Variants in KHDRBS2 observed in about 807,000 individuals in gnomAD.
KHDRBS2 encodes the protein KH RNA binding domain containing, signal transduction associated 2.
KHDRBS2 carries 26 observed loss-of-function variants against 44.3 expected under a neutral mutation model. The ratio of observed to expected loss-of-function variants is 0.59; its 90% CI spans 0.43 to 0.81. The LOEUF (loss-of-function observed/expected upper bound fraction) is 0.81, where lower values mean the gene tolerates loss of function less well. Ranked by LOEUF, KHDRBS2 falls within the 40% of genes least tolerant of loss-of-function variation. KHDRBS2 has a pLI of 0.00. For synonymous variants in KHDRBS2, 194 were observed against 151.1 expected (o/e 1.28, Z -2.08); for missense variants, 476 against 433.1 (o/e 1.10, Z -0.88).
chr6:62,068,234 G>A (rs1373675324), intron 2 of KHDRBS2, among the ~76,000 whole-genome samples: 2 of 151,426 alleles, frequency 1.3e-5, no homozygotes, highest in African/African-American at 4.8e-5. Context: ...CATCCTAGTG[G>A]GTGTGAAGTT....
chr6:61,876,404 G>A (rs190460582), intron 6 of KHDRBS2, among the ~76,000 whole-genome samples: 6 of 151,998 alleles, frequency 3.9e-5, no homozygotes, highest in Admixed American at 1.3e-4. Context: ...TATTACAAAT[G>A]GCAGACACCT....
intron 1 of KHDRBS2, among the ~76,000 whole-genome samples, chr6:62,276,750 C>A (rs1329618058): frequency 6.6e-6 from 1 of 152,128 alleles, no homozygotes; most frequent in East Asian, 1.9e-4. Flanking sequence ...ATGGCAACAA[C>A]AACATTGATC....
At position 61,774,516 on chromosome 6, in the gene KHDRBS2, A is replaced by C. The variant is rs565502207; in HGVS notation, c.811-41752T>G. ...ATATACCAATAACAGACAAACAGAGAGCCAAATCAGGAGTGAACTCCCATT... is the reference window on the plus strand; with the variant it reads ...ATATACCAATAACAGACAAACAGAGCGCCAAATCAGGAGTGAACTCCCATT... On this transcript the variant is annotated intron_variant, in intron 6 of 8. Transcript: ENST00000281156. Among the ~76,000 whole-genome samples, 21 of 152,262 alleles carry C rather than the reference A, an allele frequency of 1.4e-4. No homozygotes were observed. In the South Asian group the frequency reaches 3.7e-3, roughly 27 times the overall value.
intron 1 of KHDRBS2, among the ~76,000 whole-genome samples, chr6:62,232,700 A>G (rs1833076120): frequency 6.6e-6 from 1 of 152,146 alleles, no homozygotes; most frequent in Non-Finnish European, 1.5e-5. Context: ...ACAGATTATT[A>G]TCTTCTTTTG....
intron 4 of KHDRBS2, among the ~76,000 whole-genome samples, chr6:61,907,810 T>A (rs9360162): frequency 1.3e-5 from 2 of 151,968 alleles, no homozygotes; most frequent in South Asian, 4.1e-4. Flanking sequence ...TGAATTAATC[T>A]TCATTCATTA....
intron 3 of KHDRBS2, among the ~76,000 whole-genome samples, chr6:62,046,428 T>A (rs1485463420): frequency 2.0e-4 from 31 of 152,068 alleles, no homozygotes; most frequent in Non-Finnish European, 3.4e-4. Context: ...ATATGTTAAG[T>A]GATAAAAGAG....
intron 4 of KHDRBS2, among the ~76,000 whole-genome samples, chr6:61,925,626 G>T (rs2127362385): frequency 6.6e-6 from 1 of 151,956 alleles, no homozygotes; most frequent in African/African-American, 2.4e-5. Flanking sequence ...GGAGGCTGAA[G>T]TGGGAGGATC....
chr6:62,016,683 A>T (rs1781275449), intron 3 of KHDRBS2, among the ~76,000 whole-genome samples: 1 of 151,168 alleles, frequency 6.6e-6, no homozygotes, highest in African/African-American at 2.4e-5. Context: ...CGAGAGTGAC[A>T]TTTAAAGTAT....
At chr6:61,753,696 C>A (rs573107767) in intron 6 of KHDRBS2, among the ~76,000 whole-genome samples, 1 of 152,254 alleles carries the variant, frequency 6.6e-6, no homozygotes, top group Admixed American at 6.5e-5. Flanking sequence ...CTCTGCTACC[C>A]ACATCTACAA....
chr6:61,940,425 C>A (rs1317043667), intron 4 of KHDRBS2, among the ~76,000 whole-genome samples: 1 of 152,094 alleles, frequency 6.6e-6, no homozygotes, highest in Non-Finnish European at 1.5e-5. Flanking sequence ...GCCGGCCCTA[C>A]AACTAACATA....
At chr6:61,582,551 C>A in the KHDRBS2 span, among the ~76,000 whole-genome samples, 219 of 151,572 alleles carry the variant, frequency 1.4e-3, no homozygotes, top group African/African-American at 4.9e-3. Flanking sequence ...GTATAAAGAA[C>A]AAAATTTCTA....
chr6:62,269,204 G>C (rs796998512), intron 1 of KHDRBS2, among the ~76,000 whole-genome samples: 11 of 152,172 alleles, frequency 7.2e-5, no homozygotes, highest in African/African-American at 2.2e-4. Context: ...AGATTTCTTA[G>C]AGAGGACACA....
intron 2 of KHDRBS2, among the ~76,000 whole-genome samples, chr6:62,127,389 T>C (rs1809222657): frequency 6.6e-6 from 1 of 152,202 alleles, no homozygotes; most frequent in South Asian, 2.1e-4. Context: ...AGTGAAAATA[T>C]ATATATTGCC....
chr6:61,634,771 G>A, the KHDRBS2 span, among the ~76,000 whole-genome samples: 30 of 152,130 alleles, frequency 2.0e-4, no homozygotes, highest in African/African-American at 6.5e-4. Context: ...TTCCATTTCT[G>A]TAGTCACTGC....
intron 3 of KHDRBS2, among the ~76,000 whole-genome samples, chr6:62,037,216 T>C (rs1334203516): frequency 6.6e-6 from 1 of 151,922 alleles, no homozygotes; most frequent in East Asian, 1.9e-4. Context: ...CCTGAAAATA[T>C]TAACTCAGCA....
the KHDRBS2 span, among the ~76,000 whole-genome samples, chr6:61,562,554 G>A: frequency 6.6e-6 from 1 of 152,082 alleles, no homozygotes; most frequent in Non-Finnish European, 1.5e-5. Flanking sequence ...TCTTTGAAAT[G>A]TATATAAATC....
chr6:61,661,780 C>G, the KHDRBS2 span, among the ~76,000 whole-genome samples: 1 of 151,952 alleles, frequency 6.6e-6, no homozygotes, highest in South Asian at 2.1e-4. Flanking sequence ...ATTCCATGCT[C>G]ATGGGTAGGA....
chr6:61,686,223 T>A (rs1199254828), intron 8 of KHDRBS2, among the ~76,000 whole-genome samples: 1 of 151,746 alleles, frequency 6.6e-6, no homozygotes, highest in African/African-American at 2.4e-5. Flanking sequence ...TTTGGTACAC[T>A]GTAAATCAAT....
At chr6:61,551,387 A>T in the KHDRBS2 span, among the ~76,000 whole-genome samples, 1 of 151,970 alleles carries the variant, frequency 6.6e-6, no homozygotes, top group African/African-American at 2.4e-5. Context: ...CCATTTGCCA[A>T]TTTTTGCTTT....
Sources: gnomAD v4.1 joint callset for allele counts (sites outside exome capture counted in the v4.1 genomes callset) on GRCh38, gnomAD v4.1.1 for gene constraint, MANE v1.5 for transcripts, NCBI Gene and HGNC (gene_info 2026-07-23, HGNC 2026-07-21) for gene names.